NRG1: variants seen among roughly 807,000 people sequenced by gnomAD.
NRG1 encodes the protein pro-neuregulin-1, membrane-bound isoform.
NRG1 carries 18 observed loss-of-function variants against 63.8 expected under a neutral mutation model. The ratio of observed to expected loss-of-function variants is 0.28; its 90% CI spans 0.19 to 0.42. The LOEUF is 0.42. Among genes scored for constraint, NRG1 ranks in the 10% least tolerant of loss-of-function variants. The pLI is 1.00. For missense variants in NRG1, 762 were observed against 814.7 expected (o/e 0.94, Z 0.79); for synonymous variants, 302 against 301.3 (o/e 1.00, Z -0.02).
chr8:32,161,895 G>T (rs551395649), intron 1 of NRG1, among the ~76,000 whole-genome samples: 44 of 152,320 alleles, frequency 2.9e-4, no homozygotes, highest in African/African-American at 8.4e-4. Context: ...AACTGCTTTG[G>T]TTTGAAAGTG....
intron 1 of NRG1, among the ~76,000 whole-genome samples, chr8:31,847,305 C>A (rs934515525): frequency 2.6e-5 from 3 of 113,368 alleles, no homozygotes; most frequent in African/African-American, 9.4e-5. Context: ...AGACATTAAG[C>A]CATCAGAGCC....
intron 1 of NRG1, among the ~76,000 whole-genome samples, chr8:31,985,413 C>T (rs1382132141): frequency 6.6e-6 from 1 of 152,020 alleles, no homozygotes; most frequent in Non-Finnish European, 1.5e-5. Context: ...GTTGAATACA[C>T]CCAGTACCTC....
intron 1 of NRG1, among the ~76,000 whole-genome samples, chr8:32,223,689 A>G (rs1452245319): frequency 6.6e-6 from 1 of 152,204 alleles, no homozygotes; most frequent in Non-Finnish European, 1.5e-5. Flanking sequence ...TGTCAACTGT[A>G]CGTGAACATG....
At chr8:32,529,541 A>G (rs2046279826) in intron 1 of NRG1, among the ~76,000 whole-genome samples, 1 of 152,210 alleles carries the variant, frequency 6.6e-6, no homozygotes, top group African/African-American at 2.4e-5. Flanking sequence ...ACACAGACAC[A>G]TTGTACAGCT....
At chr8:31,740,038 T>C (rs1429977696) in intron 1 of NRG1, among the ~76,000 whole-genome samples, 1 of 152,070 alleles carries the variant, frequency 6.6e-6, no homozygotes, top group Non-Finnish European at 1.5e-5. Context: ...TAGCTATAAA[T>C]GTTTTAGGCT....
intron 1 of NRG1, among the ~76,000 whole-genome samples, chr8:32,273,978 G>A (rs1851816921): frequency 6.6e-6 from 1 of 152,134 alleles, no homozygotes; most frequent in Non-Finnish European, 1.5e-5. Flanking sequence ...GCAAAACTGA[G>A]GAGTTAATGT....
At chr8:31,958,709 T>C (rs939141730) in intron 1 of NRG1, among the ~76,000 whole-genome samples, 1 of 152,182 alleles carries the variant, frequency 6.6e-6, no homozygotes, top group Admixed American at 6.5e-5. Context: ...TACTATTACA[T>C]AAGTTCTGGG....
chr8:32,596,869 G>C (rs1417565652), intron 2 of NRG1, among the ~76,000 whole-genome samples: 1 of 151,970 alleles, frequency 6.6e-6, no homozygotes, highest in Non-Finnish European at 1.5e-5. Flanking sequence ...GGTAATCTTA[G>C]GTAGCAAGAA....
At chr8:32,318,958 T>C (rs1322214171) in intron 1 of NRG1, among the ~76,000 whole-genome samples, 5 of 152,154 alleles carry the variant, frequency 3.3e-5, no homozygotes. Flanking sequence ...TTAATGGGAT[T>C]GTGTAACACC....
At chr8:32,176,452 G>T (rs1840742151) in intron 1 of NRG1, among the ~76,000 whole-genome samples, 1 of 152,110 alleles carries the variant, frequency 6.6e-6, no homozygotes, top group African/African-American at 2.4e-5. Context: ...AAAAGCAATG[G>T]CAACAAAAGC....
intron 5 of NRG1, among the ~76,000 whole-genome samples, chr8:32,684,830 A>G (rs1453844882): frequency 7.2e-6 from 1 of 139,746 alleles, no homozygotes; most frequent in Non-Finnish European, 1.5e-5. Context: ...AATTTTTGAC[A>G]GTTTTGACAC....
chr8:32,450,115 C>A (rs1240228416), intron 1 of NRG1, among the ~76,000 whole-genome samples: 1 of 152,168 alleles, frequency 6.6e-6, no homozygotes, highest in African/African-American at 2.4e-5. Flanking sequence ...ATAGAATCTT[C>A]AGGCCTTCAG....
Position 32,563,123 on chromosome 8 carries a change from T to C in NRG1, c.100+14297T>C, listed in dbSNP as rs143802727. On this transcript the variant is annotated intron_variant, in intron 1 of 11. Transcript: ENST00000356819. ...CTTTCTTAAAACATTATGAGCTTTTTTGTGATTATTTTTTCCAGTTCATCA... is the reference window on the plus strand; with the variant it reads ...CTTTCTTAAAACATTATGAGCTTTTCTGTGATTATTTTTTCCAGTTCATCA... 1.7e-3 allele frequency among the ~76,000 whole-genome samples: 263 copies of C among 152,294 alleles called. 1 individual carries two copies. Among genetic ancestry groups the C allele is most frequent in the African/African-American group, 5.9e-3 (246 of 41,570 alleles).
At chr8:31,659,074 T>C (rs1234368152) in intron 1 of NRG1, among the ~76,000 whole-genome samples, 1 of 152,162 alleles carries the variant, frequency 6.6e-6, no homozygotes, top group East Asian at 1.9e-4. Flanking sequence ...ATGTTTCTCA[T>C]GCTCACTGCA....
intron 1 of NRG1, among the ~76,000 whole-genome samples, chr8:31,669,396 C>A (rs1262964145): frequency 1.3e-5 from 2 of 152,078 alleles, no homozygotes; most frequent in Admixed American, 1.3e-4. Context: ...TGCCACCATG[C>A]CCGGCTAATT....
intron 5 of NRG1, among the ~76,000 whole-genome samples, chr8:32,625,279 G>A (rs1849018591): frequency 6.6e-6 from 1 of 152,186 alleles, no homozygotes; most frequent in Non-Finnish European, 1.5e-5. Context: ...CCAAAGGTCA[G>A]CAAACTCTCA....
chr8:32,646,655 G>A (rs1042827447), intron 5 of NRG1: 1 of 978,948 alleles, frequency 1.0e-6, no homozygotes, highest in African/African-American at 1.8e-5. Flanking sequence ...GGCAAGGTGG[G>A]GGTGGAAGAA....
At chr8:32,615,193 T>C (rs545366391) in intron 4 of NRG1, among the ~76,000 whole-genome samples, 13 of 152,294 alleles carry the variant, frequency 8.5e-5, no homozygotes, top group Non-Finnish European at 1.3e-4. Context: ...CATTGATTTC[T>C]TCACAAGCTA....
Position 32,728,229 on chromosome 8 carries a change from C to A in NRG1, c.632+151C>A, listed in dbSNP as rs537221051. 2.3e-4 allele frequency: 330 copies of A among 1,443,200 alleles called. 1 individual carries two copies. The highest frequency in any genetic ancestry group is 2.8e-4 in the Non-Finnish European group (310 of 1,097,856). The allele number at this position is 1,443,200 out of a possible 1,614,324, so 89.4% of individuals were successfully genotyped here. Reference sequence around the variant, plus strand: ...TATGTAGAGTGTTTTAAAACATTCACACCATTCGTCATCACTCCTCTGTCA... The same window carrying A: ...TATGTAGAGTGTTTTAAAACATTCAAACCATTCGTCATCACTCCTCTGTCA... On this transcript the variant is annotated intron_variant, in intron 6 of 11. Coordinates refer to ENST00000356819, the Ensembl canonical transcript of NRG1.
Sources: allele counts gnomAD v4.1 joint callset (sites outside exome capture counted in the v4.1 genomes callset), GRCh38; gene constraint gnomAD v4.1.1; transcripts MANE v1.5; gene names NCBI Gene and HGNC (gene_info 2026-07-23, HGNC 2026-07-21).